Variants in GPC5 observed in about 807,000 individuals in gnomAD.
The protein encoded by GPC5 is glypican-5.
GPC5 carries 47 observed loss-of-function variants against 53.9 expected under a neutral mutation model. The observed-to-expected ratio is 0.87, with a 90% CI of 0.69 to 1.11. The LOEUF is 1.11. Among genes scored for constraint, GPC5 ranks in the 50% most tolerant of loss-of-function variants. The pLI is 0.00. For synonymous variants in GPC5, 286 were observed against 263.3 expected, an observed-to-expected ratio of 1.09 and a Z score of -0.84; for missense variants, 748 against 713.1, an observed-to-expected ratio of 1.05 and a Z score of -0.56.
chr13:92,121,317 T>G (rs754313385), intron 6 of GPC5, among the ~76,000 whole-genome samples: 19 of 152,184 alleles, frequency 1.2e-4, no homozygotes, highest in Non-Finnish European at 1.3e-4. Flanking sequence ...GGTTCAGGTC[T>G]GCATCTCTGT....
At chr13:92,548,119 G>A (rs1260210044) in intron 7 of GPC5, among the ~76,000 whole-genome samples, 10 of 151,496 alleles carry the variant, frequency 6.6e-5, no homozygotes, top group African/African-American at 1.2e-4. Flanking sequence ...GATTACAGGC[G>A]TGAGCCACTG....
At chr13:92,256,787 C>A (rs1379412593) in intron 7 of GPC5, among the ~76,000 whole-genome samples, 3 of 151,442 alleles carry the variant, frequency 2.0e-5, no homozygotes, top group African/African-American at 7.3e-5. Context: ...CATGTGTTCC[C>A]TTTTCCCTCA....
chr13:92,473,021 C>G lies in GPC5; in HGVS notation c.1561+328032C>G, dbSNP rs188037715. On this transcript the variant is annotated intron_variant, in intron 7 of 7. Coordinates refer to ENST00000377067, the MANE Select transcript of GPC5 (RefSeq NM_004466.6). ...TCTAAAACATTAATAACCATTTGCC[C>G]ATTTAATAAAAATTGTCAAAAACAG... Among the ~76,000 whole-genome samples, 557 of 151,974 alleles carry G rather than the reference C, an allele frequency of 3.7e-3. 2 individuals carry two copies. Among genetic ancestry groups the G allele is most frequent in the Non-Finnish European group, 5.6e-3 (382 of 67,950 alleles).
intron 2 of GPC5, among the ~76,000 whole-genome samples, chr13:91,555,811 G>A (rs375122272): frequency 7.2e-5 from 11 of 151,994 alleles, no homozygotes; most frequent in Admixed American, 5.9e-4. Context: ...CAAATGAAAG[G>A]GGTCTCCCCT....
At chr13:92,607,665 TTATA>T (rs562293811) in intron 7 of GPC5, among the ~76,000 whole-genome samples, 199 of 152,286 alleles carry the variant, frequency 1.3e-3, no homozygotes, top group African/African-American at 4.3e-3. Flanking sequence ...ATAAATAAAA[TTATA>T]TATATTTTGT....
rs1413529700 is a variant in GPC5 at position 91,977,947 on chromosome 13, T to TAAAAAAAA, written c.1401+69894_1401+69895insAAAAAAAA. On this transcript the variant is annotated intron_variant, in intron 6 of 7. Transcript: ENST00000377067. ...GGAAACATAACGAGACCGCCATCTC[T>TAAAAAAAA]AAAAGAAAAAAGAAAGAAAGAAAGA... Among the ~76,000 whole-genome samples, 240 of 92,700 alleles carry TAAAAAAAA rather than the reference T, an allele frequency of 2.6e-3. 1 individual carries two copies. The highest frequency in any genetic ancestry group is 0.013 in the African/African-American group (228 of 18,102). The allele number at this position is 92,700 out of a possible 152,430, so 60.8% of individuals were successfully genotyped here.
At chr13:92,494,545 A>G (rs187876861) in intron 7 of GPC5, among the ~76,000 whole-genome samples, 79 of 152,290 alleles carry the variant, frequency 5.2e-4, no homozygotes, top group Non-Finnish European at 8.8e-4. Context: ...TTCGTATTCT[A>G]AGTGTTTATT....
chr13:92,768,793 A>G (rs1875506866), intron 7 of GPC5, among the ~76,000 whole-genome samples: 1 of 151,026 alleles, frequency 6.6e-6, no homozygotes, highest in South Asian at 2.1e-4. Flanking sequence ...ATGATCTAAT[A>G]TGCCTGCCTG....
At chr13:91,924,355 C>T (rs188239386) in intron 6 of GPC5, among the ~76,000 whole-genome samples, 16 of 152,184 alleles carry the variant, frequency 1.1e-4, no homozygotes, top group South Asian at 2.1e-4. Context: ...TTCACAGATT[C>T]GCTCATAATA....
At chr13:92,301,091 A>C (rs995389084) in intron 7 of GPC5, among the ~76,000 whole-genome samples, 1 of 152,368 alleles carries the variant, frequency 6.6e-6, no homozygotes, top group Non-Finnish European at 1.5e-5. Context: ...AATAAAGAAC[A>C]TAACATCAAT....
At chr13:91,471,594 G>A (rs931511919) in intron 2 of GPC5, among the ~76,000 whole-genome samples, 1 of 152,066 alleles carries the variant, frequency 6.6e-6, no homozygotes, top group African/African-American at 2.4e-5. Context: ...AGCACCATTA[G>A]AAAGAAATAA....
At chr13:91,688,251 T>C (rs1192774145) in intron 2 of GPC5, among the ~76,000 whole-genome samples, 1 of 152,140 alleles carries the variant, frequency 6.6e-6, no homozygotes, top group Non-Finnish European at 1.5e-5. Flanking sequence ...TCCTAGATTG[T>C]TCATTTTTGA....
At chr13:92,418,832 A>G (rs376980364) in intron 7 of GPC5, among the ~76,000 whole-genome samples, 2 of 152,326 alleles carry the variant, frequency 1.3e-5, no homozygotes, top group African/African-American at 4.8e-5. Flanking sequence ...ATATTTTGAG[A>G]AACAGGTAGA....
chr13:92,691,220 T>C (rs1387537703), intron 7 of GPC5, among the ~76,000 whole-genome samples: 3 of 101,782 alleles, frequency 2.9e-5, no homozygotes, highest in Middle Eastern at 4.1e-3. Context: ...ATCAGCGAGA[T>C]TCCGTGGGCT....
chr13:91,637,376 T>C (rs1386218801), intron 2 of GPC5, among the ~76,000 whole-genome samples: 1 of 152,224 alleles, frequency 6.6e-6, no homozygotes, highest in African/African-American at 2.4e-5. Context: ...GAGATTTACA[T>C]TTTAATTGTG....
intron 7 of GPC5, among the ~76,000 whole-genome samples, chr13:92,351,551 G>GA (rs1047617893): frequency 2.0e-5 from 3 of 151,262 alleles, no homozygotes; most frequent in Non-Finnish European, 4.4e-5. Context: ...TTGTAATTGA[G>GA]AAAAAAAAGT....
At chr13:92,445,063 A>C (rs180972852) in intron 7 of GPC5, among the ~76,000 whole-genome samples, 1 of 152,206 alleles carries the variant, frequency 6.6e-6, no homozygotes, top group Non-Finnish European at 1.5e-5. Flanking sequence ...AGGTTGTCTA[A>C]TAACTACCAA....
chr13:92,009,484 AG>A (rs1480092232), intron 6 of GPC5, among the ~76,000 whole-genome samples: 2 of 152,170 alleles, frequency 1.3e-5, no homozygotes, highest in African/African-American at 4.8e-5. Flanking sequence ...CCTCTCTGGC[AG>A]GTCAAAATGT....
At chr13:91,559,690 C>T (rs1186325531) in intron 2 of GPC5, among the ~76,000 whole-genome samples, 4 of 152,068 alleles carry the variant, frequency 2.6e-5, no homozygotes, top group Non-Finnish European at 5.9e-5. Context: ...AAACTGCCTC[C>T]TCCTGTGTCT....
Sources: gnomAD v4.1 joint callset for allele counts (sites outside exome capture counted in the v4.1 genomes callset) on GRCh38, gnomAD v4.1.1 for gene constraint, MANE v1.5 for transcripts, NCBI Gene and HGNC (gene_info 2026-07-23, HGNC 2026-07-21) for gene names.